MARCO: variants seen among roughly 807,000 people sequenced by gnomAD.
MARCO encodes macrophage receptor with collagenous structure, also known as macrophage receptor MARCO.
Under a neutral mutation model 70.0 loss-of-function variants are expected in MARCO, and 72 were observed. That is an observed-to-expected ratio of 1.03 (90% confidence interval 0.85 to 1.25). The LOEUF (loss-of-function observed/expected upper bound fraction) is 1.25. MARCO is among the 50% of genes most tolerant of loss of function. The pLI, the probability that MARCO is intolerant of heterozygous loss-of-function variation, is 0.00. For synonymous variants in MARCO, 273 were observed against 243.1 expected (o/e 1.12, Z -1.14); for missense variants, 696 against 659.3 (o/e 1.06, Z -0.61).
At chr2:118,976,352 C>G (rs759312471) in intron 6 of MARCO, among the ~76,000 whole-genome samples, 1 of 152,128 alleles carries the variant, frequency 6.6e-6, no homozygotes. Context: ...TCTGCTTGGG[C>G]CCCACTGGCA....
chr2:118,954,227 G>A (rs973472945), intron 1 of MARCO, among the ~76,000 whole-genome samples: 1 of 152,144 alleles, frequency 6.6e-6, no homozygotes, highest in African/African-American at 2.4e-5. Flanking sequence ...GCTGTTGCTG[G>A]GGGCACAGTG....
At chr2:118,947,559 ACATAGTCATT>A (rs1363520924) in intron 1 of MARCO, among the ~76,000 whole-genome samples, 2 of 152,212 alleles carry the variant, frequency 1.3e-5, no homozygotes, top group African/African-American at 2.4e-5. Flanking sequence ...GACCATGGAT[ACATAGTCATT>A]CCAGCACCAT....
intron 6 of MARCO, among the ~76,000 whole-genome samples, chr2:118,976,077 A>G (rs1004141610): frequency 2.6e-5 from 4 of 152,126 alleles, no homozygotes; most frequent in African/African-American, 9.7e-5. Context: ...CTTGAAGGGA[A>G]AAGCCAGAAG....
At chr2:118,953,672 A>G (rs1326934834) in intron 1 of MARCO, among the ~76,000 whole-genome samples, 1 of 152,138 alleles carries the variant, frequency 6.6e-6, no homozygotes, top group Non-Finnish European at 1.5e-5. Context: ...TCCTGAGAGG[A>G]TCCACAGACC....
intron 1 of MARCO, among the ~76,000 whole-genome samples, chr2:118,966,410 C>A (rs1680048193): frequency 6.6e-6 from 1 of 152,150 alleles, no homozygotes; most frequent in South Asian, 2.1e-4. Context: ...TTTATAGTTT[C>A]TTCTACCCTC....
At chr2:118,980,554 G>A (rs1680369807) in intron 8 of MARCO, among the ~76,000 whole-genome samples, 1 of 152,168 alleles carries the variant, frequency 6.6e-6, no homozygotes, top group Admixed American at 6.5e-5. Context: ...ATAGATTGGA[G>A]CAATAAATGC....
At chr2:118,988,123 G>T (rs575697994) in intron 12 of MARCO, among the ~76,000 whole-genome samples, 1 of 152,264 alleles carries the variant, frequency 6.6e-6, no homozygotes, top group African/African-American at 2.4e-5. Flanking sequence ...GATCAAACAA[G>T]GTCATGGATG....
chr2:118,986,696 A>G (rs189161272), intron 12 of MARCO, among the ~76,000 whole-genome samples: 7,163 of 98,356 alleles, frequency 0.073, 631 homozygotes, highest in East Asian at 0.28. Flanking sequence ...AAAGAAAGAA[A>G]GAAAGAAAGA....
chr2:118,950,994 C>T (rs888699760), intron 1 of MARCO, among the ~76,000 whole-genome samples: 1 of 152,184 alleles, frequency 6.6e-6, no homozygotes, highest in African/African-American at 2.4e-5. Flanking sequence ...ATTAATAAGA[C>T]CTAATTTAGT....
At chr2:118,951,296 A>G (rs1002476954) in intron 1 of MARCO, among the ~76,000 whole-genome samples, 6 of 152,208 alleles carry the variant, frequency 3.9e-5, no homozygotes, top group African/African-American at 1.4e-4. Context: ...ATGGTAACTA[A>G]GATTTAGATC....
At chr2:118,958,284 T>A (rs1466922916) in intron 1 of MARCO, among the ~76,000 whole-genome samples, 1 of 151,722 alleles carries the variant, frequency 6.6e-6, no homozygotes, top group Non-Finnish European at 1.5e-5. Context: ...CTAGAACTGA[T>A]AAAAGAATTC....
At chr2:118,986,633 GA>G (rs1558671516) in intron 12 of MARCO, among the ~76,000 whole-genome samples, 7 of 35,796 alleles carry the variant, frequency 2.0e-4, no homozygotes, top group East Asian at 1.4e-3. Context: ...AAGAAAGAAA[GA>G]AAGAAAGAAA....
At chr2:118,986,289 T>C (rs1312778139) in intron 12 of MARCO, among the ~76,000 whole-genome samples, 1 of 152,080 alleles carries the variant, frequency 6.6e-6, no homozygotes, top group African/African-American at 2.4e-5. Flanking sequence ...AGCCTCCAAG[T>C]TGGCATGGTA....
At chr2:118,960,679 T>A (rs1679926320) in intron 1 of MARCO, among the ~76,000 whole-genome samples, 2 of 148,730 alleles carry the variant, frequency 1.3e-5, no homozygotes, top group Admixed American at 6.8e-5. Context: ...TATAATTTTT[T>A]AAATATATTG....
At position 118,993,109 on chromosome 2, in the gene MARCO, T is replaced by C. The variant is rs1680654958; in HGVS notation, c.1253-15T>C. On this transcript the variant is annotated splice_polypyrimidine_tract_variant and intron_variant, in intron 15 of 16. Coordinates refer to ENST00000327097, the MANE Select transcript of MARCO (RefSeq NM_006770.4). ...GGGCCTTCCTTGCCTCTCCCATGTG[T>C]GTTTCTTCACCCAGGTGAAAACTCA... is the stretch of plus-strand genomic sequence containing the variant. 6.2e-7 allele frequency: 1 copy of C among 1,613,852 alleles called. No individual in the cohort carries two copies. Among genetic ancestry groups the C allele is most frequent in the Non-Finnish European group, 8.5e-7 (1 of 1,179,764 alleles).
intron 10 of MARCO, 90 bp downstream of exon 10, chr2:118,981,746 C>A: frequency 7.6e-7 from 1 of 1,310,440 alleles, no homozygotes; most frequent in Non-Finnish European, 1.1e-6. Flanking sequence ...TCTTTTGCTT[C>A]ATTGTAGTAT....
intron 13 of MARCO, 116 bp downstream of exon 13, chr2:118,990,749 G>C: frequency 1.0e-6 from 1 of 1,001,222 alleles, no homozygotes; most frequent in African/African-American, 1.6e-5. Flanking sequence ...CCAAAGTGGA[G>C]GTTAAGACTC....
intron 6 of MARCO, among the ~76,000 whole-genome samples, chr2:118,975,759 T>C (rs1680270305): frequency 6.6e-6 from 1 of 152,146 alleles, no homozygotes; most frequent in Non-Finnish European, 1.5e-5. Context: ...CATATACTCA[T>C]GCACATATAT....
intron 1 of MARCO, among the ~76,000 whole-genome samples, chr2:118,960,973 A>AT (rs1679934652): frequency 6.6e-6 from 1 of 152,120 alleles, no homozygotes; most frequent in East Asian, 1.9e-4. Context: ...CCCACATATA[A>AT]GTGAGAACAT....
Sources: gnomAD v4.1 joint callset for allele counts (sites outside exome capture counted in the v4.1 genomes callset) on GRCh38, gnomAD v4.1.1 for gene constraint, MANE v1.5 for transcripts, NCBI Gene and HGNC (gene_info 2026-07-23, HGNC 2026-07-21) for gene names.